Variants in TMTC1 observed in about 807,000 individuals in gnomAD.
TMTC1 encodes the protein transmembrane O-mannosyltransferase targeting cadherins 1.
TMTC1 carries 73 observed loss-of-function variants against 104.8 expected under a neutral mutation model. The observed-to-expected ratio is 0.70, with a 90% CI of 0.58 to 0.85. TMTC1 has a LOEUF of 0.85. Among genes scored for constraint, TMTC1 ranks in the 40% least tolerant of loss-of-function variants. TMTC1 has a pLI of 0.00. For missense variants in TMTC1, 1,035 were observed against 1,096.1 expected (o/e 0.94, Z 0.79); for synonymous variants, 434 against 428.7 (o/e 1.01, Z -0.15).
intron 5 of TMTC1, among the ~76,000 whole-genome samples, chr12:29,642,934 A>C: frequency 6.6e-6 from 1 of 150,850 alleles, no homozygotes; most frequent in Non-Finnish European, 1.5e-5. Flanking sequence ...CAAAAAAAAA[A>C]ACTCCCAAAC....
At chr12:29,730,638 C>T (rs1325201206) in intron 5 of TMTC1, among the ~76,000 whole-genome samples, 16 of 152,118 alleles carry the variant, frequency 1.1e-4, no homozygotes, top group Admixed American at 2.6e-4. Context: ...ATGGTGGCTA[C>T]GAGCACTAAG....
At chr12:29,638,753 GCACCGAAGAA>G (rs1938688790) in intron 5 of TMTC1, among the ~76,000 whole-genome samples, 3 of 152,142 alleles carry the variant, frequency 2.0e-5, no homozygotes, top group Non-Finnish European at 4.4e-5. Context: ...GAGCAGCAGG[GCACCGAAGAA>G]TCGAGCCACT....
At chr12:29,526,442 C>CT (rs1944346598) in intron 11 of TMTC1, among the ~76,000 whole-genome samples, 1 of 152,180 alleles carries the variant, frequency 6.6e-6, no homozygotes, top group Non-Finnish European at 1.5e-5. Flanking sequence ...AAATTGTATA[C>CT]TTAAAACATT....
chr12:29,524,419 AT>A (rs201975402), intron 11 of TMTC1, among the ~76,000 whole-genome samples: 1 of 152,088 alleles, frequency 6.6e-6, no homozygotes, highest in Non-Finnish European at 1.5e-5. Context: ...AATGGTACAG[AT>A]TTTTTTCTGT....
At chr12:29,510,611 C>G (rs1364519890) in intron 17 of TMTC1, among the ~76,000 whole-genome samples, 1 of 152,044 alleles carries the variant, frequency 6.6e-6, no homozygotes, top group African/African-American at 2.4e-5. Context: ...CCCATTAACC[C>G]CTCCCATTTG....
intron 6 of TMTC1, among the ~76,000 whole-genome samples, chr12:29,613,436 G>A (rs1343195372): frequency 6.6e-6 from 1 of 152,206 alleles, no homozygotes; most frequent in Admixed American, 6.5e-5. Context: ...CTGCATAGGT[G>A]TCAGGGCTTT....
chr12:29,578,609 A>G (rs2136317490), intron 8 of TMTC1, among the ~76,000 whole-genome samples: 1 of 152,318 alleles, frequency 6.6e-6, no homozygotes, highest in Non-Finnish European at 1.5e-5. Flanking sequence ...TTTTAAATCC[A>G]CGCATTTCAC....
In TMTC1 at chr12:29,503,491, C is replaced by T. The variant is rs1943636798; in HGVS notation, c.*3355G>A. The T allele has an allele frequency of 1.3e-5, 2 of 151,994 alleles. No individual in the cohort carries two copies. Among genetic ancestry groups the T allele is most frequent in the African/African-American group, 4.8e-5 (2 of 41,358 alleles). 9.4% of individuals were successfully genotyped at this position (151,994 alleles called of 1,614,324 possible). ...CAAAGGATACAAAAAGAAATGGACA[C>T]TTATCAGGGATTTTGAAGGCAAGGA... On this transcript the variant is annotated 3_prime_UTR_variant, in exon 18 of 18. Coordinates refer to ENST00000539277, the MANE Select transcript of TMTC1 (RefSeq NM_001193451.2).
rs1250731022 is a variant in TMTC1, at chr12:29,604,267, C to G, written c.1161G>C (p.Leu387Phe). ...GAATGAACGGGAACACCAGGAACAA[C>G]AAGCCGACTAAAACCTCCTTGTGCT... Reference protein sequence around the residue: ...RLEHKEVLVGLLFLVFPFIPA... With the variant: ...RLEHKEVLVGFLFLVFPFIPA... Residue 387 changes from leucine to phenylalanine, a missense_variant, in exon 7 of 18, where the codon TTG (leucine) becomes TTC (phenylalanine). Transcript: ENST00000539277. 6.2e-7 allele frequency: 1 copy of G among 1,614,000 alleles called. No individual in the cohort carries two copies. Among genetic ancestry groups the G allele is most frequent in the Middle Eastern group, 1.7e-4 (1 of 6,060 alleles).
chr12:29,695,828 T>TATATATAA (rs1243156784), intron 5 of TMTC1, among the ~76,000 whole-genome samples: 1 of 106,146 alleles, frequency 9.4e-6, no homozygotes, highest in Non-Finnish European at 2.0e-5. Flanking sequence ...TATATATATA[T>TATATATAA]AACCTGTCTT....
intron 9 of TMTC1, among the ~76,000 whole-genome samples, chr12:29,563,698 C>G (rs1222598008): frequency 6.6e-6 from 1 of 152,074 alleles, no homozygotes; most frequent in African/African-American, 2.4e-5. Flanking sequence ...GCCCTGTGAT[C>G]GAGATTTTAT....
intron 10 of TMTC1, among the ~76,000 whole-genome samples, chr12:29,552,901 G>A (rs1363786200): frequency 6.6e-6 from 1 of 152,180 alleles, no homozygotes; most frequent in East Asian, 1.9e-4. Flanking sequence ...AATTGAAAGT[G>A]TTTTTATCCT....
chr12:29,596,406 T>C (rs1054789942), intron 7 of TMTC1, among the ~76,000 whole-genome samples: 4 of 152,244 alleles, frequency 2.6e-5, no homozygotes, highest in African/African-American at 9.6e-5. Flanking sequence ...TCAGATCACA[T>C]GGTGATCCCA....
In TMTC1 at chr12:29,536,290, G is replaced by A; in HGVS notation, c.1704C>T (p.Ile568=). The A allele has an allele frequency of 6.2e-7, 1 of 1,611,542 alleles. No homozygotes were observed. The highest frequency in any genetic ancestry group is 8.5e-7 in the Non-Finnish European group (1 of 1,178,846). ...ATTTGATGGAATCCTTCAGTAAGGTGATAGCTTCTTCCTTTTTCTCCTGGG... is the reference window on the plus strand; with the variant it reads ...ATTTGATGGAATCCTTCAGTAAGGTAATAGCTTCTTCCTTTTTCTCCTGGG... ...LKSQEKKEEA[I]TLLKDSIKYG... is the part of the protein sequence containing the mutation. The change falls in exon 11 of 18, where the codon ATC becomes ATT. Residue 568 remains isoleucine, a synonymous_variant. Transcript: ENST00000539277.
chr12:29,729,678 T>C (rs1195750455), intron 5 of TMTC1, among the ~76,000 whole-genome samples: 1 of 152,088 alleles, frequency 6.6e-6, no homozygotes, highest in East Asian at 1.9e-4. Context: ...GTGTAAACAG[T>C]CCCTTTGTAG....
At chr12:29,515,242 C>G (rs1943951621) in intron 15 of TMTC1, among the ~76,000 whole-genome samples, 1 of 152,122 alleles carries the variant, frequency 6.6e-6, no homozygotes, top group Non-Finnish European at 1.5e-5. Context: ...CAGCCCCTCT[C>G]AGGTCCTAGT....
At chr12:29,620,143 A>C (rs114133222) in intron 6 of TMTC1, among the ~76,000 whole-genome samples, 1,675 of 152,324 alleles carry the variant, frequency 0.011, 31 homozygotes, top group African/African-American at 0.038. Flanking sequence ...AAGCTGTGAG[A>C]ATTTCATGAT....
chr12:29,626,722 C>T (rs1938012503), intron 6 of TMTC1, among the ~76,000 whole-genome samples: 1 of 152,144 alleles, frequency 6.6e-6, no homozygotes, highest in Non-Finnish European at 1.5e-5. Context: ...TCTTCATGAC[C>T]TTGGATTTGG....
intron 5 of TMTC1, among the ~76,000 whole-genome samples, chr12:29,717,284 A>G (rs1942111612): frequency 6.6e-6 from 1 of 152,192 alleles, no homozygotes; most frequent in African/African-American, 2.4e-5. Context: ...CGGGATTTCA[A>G]AATAAACTTA....
Sources: gnomAD v4.1 joint callset for allele counts (sites outside exome capture counted in the v4.1 genomes callset) on GRCh38, gnomAD v4.1.1 for gene constraint, MANE v1.5 for transcripts, NCBI Gene and HGNC (gene_info 2026-07-23, HGNC 2026-07-21) for gene names.